The following IPCEF1 variants were observed in gnomAD, a reference collection of about 807,000 sequenced individuals.
IPCEF1 encodes interactor protein for cytohesin exchange factors 1.
Under a neutral mutation model 50.9 loss-of-function variants are expected in IPCEF1, and 31 were observed. That is an observed-to-expected ratio of 0.61 (90% confidence interval 0.46 to 0.82). The LOEUF (loss-of-function observed/expected upper bound fraction) is 0.82. Ranked by LOEUF, IPCEF1 falls within the 40% of genes least tolerant of loss-of-function variation. IPCEF1 has a pLI of 0.00. For synonymous variants in IPCEF1, 181 were observed against 192.0 expected (o/e 0.94, Z 0.47); for missense variants, 458 against 514.0 (o/e 0.89, Z 1.05).
At chr6:154,226,691 G>T (rs1779279099) in intron 5 of IPCEF1, among the ~76,000 whole-genome samples, 1 of 152,074 alleles carries the variant, frequency 6.6e-6, no homozygotes, top group Admixed American at 6.5e-5. Context: ...CACAGTCACA[G>T]TCACAGCAAA....
At chr6:154,162,438 T>G (rs961386647) in intron 11 of IPCEF1, among the ~76,000 whole-genome samples, 4 of 152,202 alleles carry the variant, frequency 2.6e-5, no homozygotes, top group African/African-American at 9.7e-5. Context: ...ATCAGTGACC[T>G]CCATGTTGTT....
At chr6:154,353,779 T>A (rs1784157568) in intron 1 of IPCEF1, among the ~76,000 whole-genome samples, 1 of 152,232 alleles carries the variant, frequency 6.6e-6, no homozygotes, top group African/African-American at 2.4e-5. Flanking sequence ...CTCTGCAGTA[T>A]TTTTACATAG....
chr6:154,158,422 CATT>C lies in IPCEF1; in HGVS notation c.*1403_*1405del, dbSNP rs1247551995. ...CTATTAGTCTTTAATGAAAAGATGA[CATT>C]AGTTGTGTTGCCTTTGGTCTAAGGT... On this transcript the variant is annotated 3_prime_UTR_variant, in exon 12 of 12. Coordinates refer to ENST00000367220, the MANE Select transcript of IPCEF1 (RefSeq NM_001130700.2). 3 of 152,188 alleles carry C rather than the reference CATT, an allele frequency of 2.0e-5. No individual in the cohort carries two copies. The highest frequency in any genetic ancestry group is 4.4e-5 in the Non-Finnish European group (3 of 68,042). The allele number at this position is 152,188 out of a possible 1,614,324, so 9.4% of individuals were successfully genotyped here. A position where few individuals can be genotyped will look rare whatever the true frequency, so the allele number is the denominator to read the frequency against.
intron 10 of IPCEF1, among the ~76,000 whole-genome samples, chr6:154,193,870 T>C (rs1255120653): frequency 6.6e-6 from 1 of 152,216 alleles, no homozygotes; most frequent in Non-Finnish European, 1.5e-5. Flanking sequence ...CCATACTCTA[T>C]ACAGACAAAA....
At chr6:154,248,590 G>A (rs1165376218) in intron 3 of IPCEF1, among the ~76,000 whole-genome samples, 1 of 152,110 alleles carries the variant, frequency 6.6e-6, no homozygotes, top group Non-Finnish European at 1.5e-5. Flanking sequence ...GATAGCTATT[G>A]TATATGGTTC....
chr6:154,188,911 G>C (rs1020168000), intron 10 of IPCEF1, among the ~76,000 whole-genome samples: 1 of 151,962 alleles, frequency 6.6e-6, no homozygotes, highest in African/African-American at 2.4e-5. Flanking sequence ...TAAGATACCA[G>C]TGTAGGGAGA....
At chr6:154,173,110 G>GA (rs1227166796) in intron 10 of IPCEF1, among the ~76,000 whole-genome samples, 1 of 152,176 alleles carries the variant, frequency 6.6e-6, no homozygotes, top group African/African-American at 2.4e-5. Context: ...CAAACAGAAA[G>GA]AAATAGCATC....
At chr6:154,291,545 C>T (rs1024087448) in intron 1 of IPCEF1, among the ~76,000 whole-genome samples, 2 of 152,088 alleles carry the variant, frequency 1.3e-5, no homozygotes, top group African/African-American at 4.8e-5. Flanking sequence ...TATCTCTCTG[C>T]ATATCTAAAT....
rs988557727 is a variant in IPCEF1 at position 154,154,853 on chromosome 6, A to C, written c.*4975T>G. On this transcript the variant is annotated 3_prime_UTR_variant, in exon 12 of 12. Coordinates refer to ENST00000367220, the MANE Select transcript of IPCEF1 (RefSeq NM_001130700.2). The stretch of plus-strand genomic sequence containing the variant: ...TGAGAGCACAGTAAAACTTAAGCTA[A>C]GATTTCCACATTAATATCTTGCCCC... 1 of 152,612 alleles carries C rather than the reference A, an allele frequency of 6.6e-6. No homozygotes were observed. Among genetic ancestry groups the C allele is most frequent in the Non-Finnish European group, 1.5e-5 (1 of 68,030 alleles). 9.5% of individuals were successfully genotyped at this position (152,612 alleles called of 1,614,324 possible).
chr6:154,231,067 C>T (rs1389841239), intron 5 of IPCEF1, among the ~76,000 whole-genome samples: 3 of 152,188 alleles, frequency 2.0e-5, no homozygotes, highest in Non-Finnish European at 4.4e-5. Context: ...CCAAAACCCC[C>T]AGGGCACTGG....
chr6:154,289,072 A>C (rs546247138), intron 2 of IPCEF1, among the ~76,000 whole-genome samples: 4 of 152,272 alleles, frequency 2.6e-5, no homozygotes, highest in African/African-American at 9.6e-5. Context: ...AACAAGAGTT[A>C]AACCAAATAA....
At chr6:154,291,690 T>G (rs1782517650) in intron 1 of IPCEF1, among the ~76,000 whole-genome samples, 1 of 146,234 alleles carries the variant, frequency 6.8e-6, no homozygotes, top group South Asian at 2.3e-4. Flanking sequence ...GTTTTTTTTT[T>G]TTTTTTTTTT....
chr6:154,338,037 C>A (rs1003696684), intron 1 of IPCEF1, among the ~76,000 whole-genome samples: 1 of 152,188 alleles, frequency 6.6e-6, no homozygotes, highest in Non-Finnish European at 1.5e-5. Context: ...AACTTTAGGT[C>A]CCTTATGTAA....
intron 10 of IPCEF1, among the ~76,000 whole-genome samples, chr6:154,172,160 T>C (rs148040304): frequency 2.0e-3 from 310 of 152,350 alleles, no homozygotes; most frequent in African/African-American, 6.9e-3. Flanking sequence ...GTAAAAATTA[T>C]TATCATTGCT....
intron 10 of IPCEF1, among the ~76,000 whole-genome samples, chr6:154,185,998 T>C (rs1801309249): frequency 6.6e-6 from 1 of 152,230 alleles, no homozygotes; most frequent in Non-Finnish European, 1.5e-5. Context: ...ATTGCTTGTG[T>C]TCTTTGCGGC....
At position 154,305,060 on chromosome 6, in the gene IPCEF1, G is replaced by A. The variant is rs139564292; in HGVS notation, c.-61-15304C>T. On this transcript the variant is annotated intron_variant, in intron 1 of 11. Transcript: ENST00000367220. ...GCCCAGGAGGCGGAGGTTGCAGTGA[G>A]CTGAGATTGTGCCACTGCACTTCAG... is the stretch of plus-strand genomic sequence containing the variant. 3.4e-3 allele frequency among the ~76,000 whole-genome samples: 510 copies of A among 151,982 alleles called. 3 individuals are homozygous for A. The highest frequency in any genetic ancestry group is 0.011 in the African/African-American group (472 of 41,446).
intron 3 of IPCEF1, among the ~76,000 whole-genome samples, chr6:154,248,285 AT>A (rs1417349206): frequency 1.3e-5 from 2 of 150,282 alleles, no homozygotes; most frequent in Non-Finnish European, 3.0e-5. Flanking sequence ...AATAAAAAAT[AT>A]TTTTAAGTGC....
At chr6:154,235,851 C>T (rs1259749980) in intron 5 of IPCEF1, among the ~76,000 whole-genome samples, 1 of 152,170 alleles carries the variant, frequency 6.6e-6, no homozygotes, top group Non-Finnish European at 1.5e-5. Flanking sequence ...GTGATGGTAC[C>T]TCACAGCCAT....
At chr6:154,320,310 C>T (rs1241515771) in intron 1 of IPCEF1, among the ~76,000 whole-genome samples, 1 of 152,168 alleles carries the variant, frequency 6.6e-6, no homozygotes, top group Admixed American at 6.5e-5. Flanking sequence ...CAAAACCTTG[C>T]CTTTTTCTTT....
Sources: gnomAD v4.1 joint callset for allele counts (sites outside exome capture counted in the v4.1 genomes callset) on GRCh38, gnomAD v4.1.1 for gene constraint, MANE v1.5 for transcripts, NCBI Gene and HGNC (gene_info 2026-07-23, HGNC 2026-07-21) for gene names.